Variants in LARGE1 observed in about 807,000 individuals in gnomAD.
LARGE1 encodes xylosyl- and glucuronyltransferase LARGE1.
LARGE1 carries 43 observed loss-of-function variants against 87.6 expected under a neutral mutation model. That is an observed-to-expected ratio of 0.49 (90% CI 0.38 to 0.63). LARGE1 has a LOEUF of 0.63. Ranked by LOEUF, LARGE1 falls within the 30% of genes least tolerant of loss-of-function variation. The pLI is 0.00. For missense variants in LARGE1, 802 were observed against 1,000.2 expected (o/e 0.80, Z 2.67); for synonymous variants, 434 against 394.6 (o/e 1.10, Z -1.18).
At chr22:33,844,421 C>G (rs1412044616) in intron 1 of LARGE1, among the ~76,000 whole-genome samples, 1 of 152,106 alleles carries the variant, frequency 6.6e-6, no homozygotes, top group Non-Finnish European at 1.5e-5. Flanking sequence ...AAGTGCATCT[C>G]CAATGGGGCT....
intron 11 of LARGE1, among the ~76,000 whole-genome samples, chr22:33,172,738 C>A (rs1457907139): frequency 7.2e-5 from 11 of 151,930 alleles, no homozygotes; most frequent in Non-Finnish European, 1.3e-4. Context: ...TCAAATTGAT[C>A]AAGTGGAAGA....
rs1292600146 is a variant in LARGE1, at chr22:33,392,351, T to C, written c.893-8047A>G. Among the ~76,000 whole-genome samples, 10 of 152,178 alleles carry C rather than the reference T, an allele frequency of 6.6e-5. No individual in the cohort carries two copies. In the South Asian group the frequency reaches 8.3e-4, roughly 13 times the overall value. On this transcript the variant is annotated intron_variant, in intron 7 of 14. Coordinates refer to ENST00000397394, the MANE Select transcript of LARGE1 (RefSeq NM_133642.5). ...CAATCCCACATTAACTCCAAGGTGATTGTGAGGAACAAAAAAGAAAATGGG... is the reference window on the plus strand; with the variant it reads ...CAATCCCACATTAACTCCAAGGTGACTGTGAGGAACAAAAAAGAAAATGGG...
the LARGE1 span, among the ~76,000 whole-genome samples, chr22:33,123,264 A>G: frequency 2.6e-5 from 4 of 152,228 alleles, no homozygotes; most frequent in African/African-American, 9.6e-5. Context: ...TTCTTTTTAC[A>G]GAATAAATCT....
intron 13 of LARGE1, among the ~76,000 whole-genome samples, chr22:33,282,915 C>A (rs150939886): frequency 2.4e-4 from 36 of 152,180 alleles, no homozygotes; most frequent in Admixed American, 2.3e-3. Flanking sequence ...AAAGGACAAA[C>A]AGAAATAAGC....
At chr22:33,627,409 A>C (rs1308301070) in intron 3 of LARGE1, among the ~76,000 whole-genome samples, 1 of 152,202 alleles carries the variant, frequency 6.6e-6, no homozygotes, top group Non-Finnish European at 1.5e-5. Flanking sequence ...CCTGCCTCTT[A>C]ACACCCACTC....
chr22:33,175,744 G>A (rs1922830797), intron 11 of LARGE1, among the ~76,000 whole-genome samples: 1 of 152,084 alleles, frequency 6.6e-6, no homozygotes, highest in South Asian at 2.1e-4. Context: ...GTAATATATA[G>A]ATTCAATGCT....
chr22:33,863,799 A>T (rs918515046), intron 1 of LARGE1, among the ~76,000 whole-genome samples: 5 of 151,990 alleles, frequency 3.3e-5, no homozygotes, highest in Non-Finnish European at 7.4e-5. Flanking sequence ...AGATAGGAGT[A>T]CTTTTATTTT....
intron 1 of LARGE1, among the ~76,000 whole-genome samples, chr22:33,860,709 G>T (rs1398224173): frequency 6.6e-6 from 1 of 152,168 alleles, no homozygotes; most frequent in Non-Finnish European, 1.5e-5. Flanking sequence ...ACACAAACAT[G>T]ACTTCAGCGC....
In LARGE1 at chr22:33,881,512, A is replaced by G. The variant is rs1601842489; in HGVS notation, c.-83+38483T>C. On this transcript the variant is annotated intron_variant, in intron 1 of 14. Coordinates refer to ENST00000397394, the MANE Select transcript of LARGE1 (RefSeq NM_133642.5). ...GTGGGTAATAACTTGACCCTTTTTA[A>G]AGAAGAGAAGTGTGGTTAAAAGGCA... Among the ~76,000 whole-genome samples the G allele has an allele frequency of 2.0e-5, 3 of 152,224 alleles. No homozygotes were observed. In the East Asian group the frequency reaches 5.8e-4, roughly 29 times the overall value.
intron 1 of LARGE1, among the ~76,000 whole-genome samples, chr22:33,762,213 CAAAAAA>C (rs56832457): frequency 7.1e-5 from 6 of 84,458 alleles, no homozygotes; most frequent in Admixed American, 2.4e-4. Context: ...GATTCTATCT[CAAAAAA>C]AAAAAAAAAA....
At chr22:33,588,495 G>T (rs2078742804) in intron 5 of LARGE1, among the ~76,000 whole-genome samples, 1 of 142,796 alleles carries the variant, frequency 7.0e-6, no homozygotes, top group Admixed American at 7.1e-5. Context: ...AGTTAACAAG[G>T]AACATATATG....
intron 1 of LARGE1, among the ~76,000 whole-genome samples, chr22:33,779,074 C>G (rs976092338): frequency 6.6e-6 from 1 of 152,126 alleles, no homozygotes; most frequent in African/African-American, 2.4e-5. Flanking sequence ...AATAGTTTTG[C>G]TACAAACATT....
At chr22:33,291,038 C>T (rs1279964106) in intron 12 of LARGE1, among the ~76,000 whole-genome samples, 1 of 134,632 alleles carries the variant, frequency 7.4e-6, no homozygotes, top group Non-Finnish European at 1.6e-5. Flanking sequence ...GACTCCATCT[C>T]AAAAAAAAAA....
At chr22:33,290,018 C>T (rs1201662569) in intron 12 of LARGE1, among the ~76,000 whole-genome samples, 1 of 152,054 alleles carries the variant, frequency 6.6e-6, no homozygotes, top group Non-Finnish European at 1.5e-5. Context: ...GTAGGCTTGC[C>T]CGGGTTCTGC....
the LARGE1 span, among the ~76,000 whole-genome samples, chr22:33,121,366 G>A: frequency 4.6e-4 from 70 of 152,250 alleles, no homozygotes; most frequent in African/African-American, 1.6e-3. Flanking sequence ...TGAAAGGTTT[G>A]GGACATGTTC....
At chr22:33,695,800 A>C (rs181071200) in intron 2 of LARGE1, among the ~76,000 whole-genome samples, 17 of 152,178 alleles carry the variant, frequency 1.1e-4, no homozygotes, top group Non-Finnish European at 2.4e-4. Context: ...TTGACAATGC[A>C]TACTCCTATG....
chr22:33,773,845 A>G (rs2085147796), intron 1 of LARGE1, among the ~76,000 whole-genome samples: 1 of 148,848 alleles, frequency 6.7e-6, no homozygotes, highest in East Asian at 2.0e-4. Context: ...TCAAACAACA[A>G]TATGAGATGC....
intron 2 of LARGE1, among the ~76,000 whole-genome samples, chr22:33,717,909 C>T (rs1420737324): frequency 2.6e-5 from 4 of 152,212 alleles, no homozygotes; most frequent in Non-Finnish European, 5.9e-5. Flanking sequence ...CCAGTCACCA[C>T]TCATGTCACC....
chr22:33,740,208 C>A (rs2083826843), intron 2 of LARGE1, among the ~76,000 whole-genome samples: 1 of 152,182 alleles, frequency 6.6e-6, no homozygotes, highest in Non-Finnish European at 1.5e-5. Context: ...CTTCAAGATT[C>A]AGCCCAGGAG....
Sources: gnomAD v4.1 joint callset for allele counts (sites outside exome capture counted in the v4.1 genomes callset) on GRCh38, gnomAD v4.1.1 for gene constraint, MANE v1.5 for transcripts, NCBI Gene and HGNC (gene_info 2026-07-23, HGNC 2026-07-21) for gene names.